TTC23L: variants seen among roughly 807,000 people sequenced by gnomAD.
TTC23L encodes tetratricopeptide repeat protein 23-like.
In TTC23L, 42 loss-of-function variants were observed where a neutral mutation model predicts 48.1. The ratio of observed to expected loss-of-function variants is 0.87; its 90% CI spans 0.68 to 1.13. TTC23L has a LOEUF of 1.13. TTC23L is among the 50% of genes most tolerant of loss of function. The pLI, the probability that TTC23L is intolerant of heterozygous loss-of-function variation, is 0.00. For missense variants in TTC23L, 391 were observed against 421.0 expected (o/e 0.93, Z 0.62); for synonymous variants, 159 against 157.2 (o/e 1.01, Z -0.09).
At chr5:34,921,318 T>C in the TTC23L span, 15 of 152,312 alleles carry the variant, frequency 9.8e-5, no homozygotes, top group East Asian at 2.9e-3. Flanking sequence ...AGGTTTGATA[T>C]ACTTAGGCTT....
chr5:34,922,465 A>G, the TTC23L span: 3 of 995,876 alleles, frequency 3.0e-6, no homozygotes, highest in Non-Finnish European at 4.7e-6. Context: ...TAAGCATATT[A>G]TTTATGGTGA....
At chr5:34,911,784 G>A in the TTC23L span, 6 of 1,614,014 alleles carry the variant, frequency 3.7e-6, no homozygotes, top group Non-Finnish European at 5.1e-6. Context: ...CATAACCTTG[G>A]TAACACATTC....
Position 34,840,242 on chromosome 5 carries a change from G to C in TTC23L, c.-7-423G>C, listed in dbSNP as rs554799540. On this transcript the variant is annotated intron_variant, in intron 1 of 10. Coordinates refer to ENST00000505624, the Ensembl canonical transcript of TTC23L. ...ATTAATTAGTGAAATGACCCCGGGG[G>C]GGGGGGGGAAAGCAGAATTAACCAA... 5.2e-4 allele frequency among the ~76,000 whole-genome samples: 74 copies of C among 143,190 alleles called. 7 individuals carry two copies. The highest frequency in any genetic ancestry group is 1.8e-3 in the African/African-American group (70 of 38,268). 93.9% of individuals were successfully genotyped at this position (143,190 alleles called of 152,430 possible). A position where few individuals can be genotyped will look rare whatever the true frequency, so the allele number is the denominator to read the frequency against.
At chr5:34,873,472 G>A (rs1004706580) in intron 8 of TTC23L, among the ~76,000 whole-genome samples, 1 of 152,182 alleles carries the variant, frequency 6.6e-6, no homozygotes, top group African/African-American at 2.4e-5. Context: ...CATGAGAATT[G>A]CAATGTTATC....
chr5:34,848,425 A>C (rs1006253756), intron 3 of TTC23L, among the ~76,000 whole-genome samples: 3 of 152,250 alleles, frequency 2.0e-5, no homozygotes, highest in Admixed American at 6.5e-5. Flanking sequence ...TACTGGGCAG[A>C]TAACAGCGAA....
rs202074594 is a variant in TTC23L, at chr5:34,839,188, C to A, written c.-79C>A. The A allele has an allele frequency of 6.5e-6, 1 of 152,782 alleles. No individual in the cohort carries two copies. The highest frequency in any genetic ancestry group is 6.5e-5 in the Admixed American group (1 of 15,294). The allele number at this position is 152,782 out of a possible 1,614,324, so 9.5% of individuals were successfully genotyped here. On this transcript the variant is annotated 5_prime_UTR_variant, in exon 1 of 11. It adds an upstream start codon to the 5' untranslated region. Transcript: ENST00000505624. ...TATTGTCTCCTTGGCCGGACCTGGG[C>A]TGCGGAAGGTAACTGGGGACGTCGC...
chr5:34,919,835 T>TTTTCTTTTG, the TTC23L span: 1 of 1,027,360 alleles, frequency 9.7e-7, no homozygotes, highest in South Asian at 1.7e-5. Context: ...TTTTTCTTTT[T>TTTTCTTTTG]CTAGATACTA....
At chr5:34,915,663 C>G in the TTC23L span, 1 of 1,469,154 alleles carries the variant, frequency 6.8e-7, no homozygotes, top group Non-Finnish European at 9.0e-7. Context: ...CTTAGAGCCG[C>G]CGAACCATAG....
chr5:34,915,972 A>T, the TTC23L span: 1 of 1,443,930 alleles, frequency 6.9e-7, no homozygotes, highest in Non-Finnish European at 9.1e-7. Flanking sequence ...TTACTTGACT[A>T]CAGCCTTGCT....
chr5:34,900,237 C>G (rs138774412), downstream of TTC23L, among the ~76,000 whole-genome samples: 1,196 of 152,266 alleles, frequency 7.9e-3, 6 homozygotes, highest in Non-Finnish European at 0.013. Context: ...GGGAGCCTTA[C>G]TGATAAGCTT....
Position 34,863,052 on chromosome 5 carries a change from C to T in TTC23L, c.534C>T (p.Asn178=). The stretch of plus-strand genomic sequence containing the variant: ...TGGGCGTGGCCTGGCTCCTGCAGAA[C>T]CGATATCCTTCCATTCCTAGCTGCG... Residue 178 remains asparagine (N), a splice_region_variant and synonymous_variant, in exon 5 of 11, where the codon AAC becomes AAT. Transcript: ENST00000505624. This position sits in a 1 kb window ranked among gnomAD's most constrained non-coding sequence, Gnocchi z 4.1. The T allele has an allele frequency of 6.2e-7, 1 of 1,613,892 alleles. No individual in the cohort carries two copies. Among genetic ancestry groups the T allele is most frequent in the South Asian group, 1.1e-5 (1 of 91,072 alleles).
At chr5:34,845,489 C>T in exon 3 of TTC23L, 1 of 1,612,274 alleles carries the variant, frequency 6.2e-7, no homozygotes, top group Non-Finnish European at 8.5e-7. Flanking sequence ...ACCTACAGGT[C>T]ACAGCAAACC....
the TTC23L span, among the ~76,000 whole-genome samples, chr5:34,912,531 G>A: frequency 2.7e-4 from 41 of 151,736 alleles, no homozygotes; most frequent in Admixed American, 2.6e-4. Flanking sequence ...CTGTGGAAAC[G>A]TAAAATACAT....
intron 4 of TTC23L, among the ~76,000 whole-genome samples, chr5:34,850,962 G>C (rs781221643): frequency 6.6e-6 from 1 of 152,196 alleles, no homozygotes; most frequent in Non-Finnish European, 1.5e-5. Flanking sequence ...GACATAGCCA[G>C]CTCAAGACTC....
the TTC23L span, chr5:34,922,412 C>G: frequency 1.1e-6 from 1 of 892,446 alleles, no homozygotes; most frequent in Non-Finnish European, 1.7e-6. Context: ...TTTGATTTCA[C>G]GAAACTTGAT....
At chr5:34,872,789 G>A (rs1303186201) in intron 8 of TTC23L, among the ~76,000 whole-genome samples, 1 of 152,216 alleles carries the variant, frequency 6.6e-6, no homozygotes, top group East Asian at 1.9e-4. Context: ...TGGGCTGGGC[G>A]GAGTGGCTCA....
chr5:34,921,225 A>C, the TTC23L span: 2 of 152,226 alleles, frequency 1.3e-5, no homozygotes, highest in African/African-American at 4.8e-5. Context: ...ACAGTAATAC[A>C]AGCCTTCACT....
intron 9 of TTC23L, chr5:34,888,402 T>A: frequency 1.2e-6 from 1 of 864,088 alleles, no homozygotes; most frequent in Non-Finnish European, 1.4e-6. Context: ...GGTTTGCAGT[T>A]AAGGTGCTTG....
intron 6 of TTC23L, 59 bp downstream of exon 6, chr5:34,864,621 T>TA: frequency 6.7e-7 from 1 of 1,503,374 alleles, no homozygotes; most frequent in Non-Finnish European, 8.9e-7. Flanking sequence ...AATTACATGA[T>TA]ATAAGGGAGA....
Sources: allele counts gnomAD v4.1 joint callset (sites outside exome capture counted in the v4.1 genomes callset), GRCh38; gene constraint gnomAD v4.1.1; non-coding constraint Gnocchi (gnomAD v3.1); transcripts MANE v1.5; gene names NCBI Gene and HGNC (gene_info 2026-07-23, HGNC 2026-07-21).